The following LRRC37A variants were observed in gnomAD, a reference collection of about 807,000 sequenced individuals.
LRRC37A encodes the protein leucine-rich repeat-containing protein 37A.
Under a neutral mutation model 35.4 loss-of-function variants are expected in LRRC37A, and 3 were observed. The ratio of observed to expected loss-of-function variants is 0.08; its 90% CI spans 0.04 to 0.22. The LOEUF (loss-of-function observed/expected upper bound fraction) is 0.22. Ranked by LOEUF, LRRC37A falls within the 10% of genes least tolerant of loss-of-function variation. The pLI, the probability that LRRC37A is intolerant of heterozygous loss-of-function variation, is 1.00. For missense variants in LRRC37A, 67 were observed against 565.3 expected, an observed-to-expected ratio of 0.12 and a Z score of 8.94; for synonymous variants, 23 against 215.0, an observed-to-expected ratio of 0.11 and a Z score of 7.81.
At chr17:46,266,919 C>A in the LRRC37A span, 1 of 234,122 alleles carries the variant, frequency 4.3e-6, no homozygotes, top group South Asian at 1.6e-4. Flanking sequence ...CTACGCTTCC[C>A]CGCCGCCCGG....
At chr17:46,290,390 T>C (rs1341301032), upstream of LRRC37A, among the ~76,000 whole-genome samples, 5 of 152,256 alleles carry the variant, frequency 3.3e-5, no homozygotes, top group Admixed American at 6.5e-5. Flanking sequence ...CCTTTTAGAA[T>C]GCTGGGATTA....
chr17:46,284,280 G>A, the LRRC37A span, among the ~76,000 whole-genome samples: 2 of 152,370 alleles, frequency 1.3e-5, no homozygotes, highest in African/African-American at 2.4e-5. Context: ...AGGTCCCTGC[G>A]GCCTTCCGCA....
chr17:46,266,738 G>A, the LRRC37A span, among the ~76,000 whole-genome samples: 1 of 152,106 alleles, frequency 6.6e-6, no homozygotes, highest in Admixed American at 6.5e-5. Context: ...AGCGGAGCGG[G>A]GATCTGGGGA....
chr17:46,268,743 C>T, the LRRC37A span: 2 of 1,296,182 alleles, frequency 1.5e-6, no homozygotes, highest in Non-Finnish European at 2.0e-6. Context: ...GGCAACAAGA[C>T]ATGAAAGGTC....
chr17:46,265,306 CTTCT>C, the LRRC37A span, among the ~76,000 whole-genome samples: 2 of 110,724 alleles, frequency 1.8e-5, no homozygotes, highest in African/African-American at 7.5e-5. Context: ...TCTTCTTCTT[CTTCT>C]TCTTCCTCTT....
the LRRC37A span, among the ~76,000 whole-genome samples, chr17:46,287,592 G>A: frequency 0.12 from 18,295 of 151,928 alleles, no homozygotes; most frequent in Non-Finnish European, 0.18. Flanking sequence ...GAATTTAATC[G>A]AATTAAAAAT....
chr17:46,272,279 G>A, the LRRC37A span, among the ~76,000 whole-genome samples: 1 of 152,202 alleles, frequency 6.6e-6, no homozygotes, highest in Non-Finnish European at 1.5e-5. Context: ...TATCACAAAT[G>A]TACAGTTTAC....
chr17:46,275,327 T>C, the LRRC37A span: 123 of 841,376 alleles, frequency 1.5e-4, 3 homozygotes, highest in African/African-American at 1.1e-3. Context: ...TAATTTAAAA[T>C]AGTTCAGGCA....
the LRRC37A span, among the ~76,000 whole-genome samples, chr17:46,269,791 A>T: frequency 6.6e-6 from 1 of 152,234 alleles, no homozygotes; most frequent in Non-Finnish European, 1.5e-5. Context: ...TAAAGCAATA[A>T]ATCTTGCTTT....
At chr17:46,287,940 T>C (rs2049962702), upstream of LRRC37A, among the ~76,000 whole-genome samples, 1 of 152,220 alleles carries the variant, frequency 6.6e-6, no homozygotes. Context: ...ATAGGCACAG[T>C]GTAGGAACAT....
At chr17:46,285,653 C>G in the LRRC37A span, among the ~76,000 whole-genome samples, 26 of 152,284 alleles carry the variant, frequency 1.7e-4, no homozygotes, top group Admixed American at 9.8e-4. Flanking sequence ...AGAAGTGAGT[C>G]ACGTTAGATT....
At chr17:46,290,478 AGATG>A (rs1242312560), upstream of LRRC37A, among the ~76,000 whole-genome samples, 1 of 152,180 alleles carries the variant, frequency 6.6e-6, no homozygotes, top group African/African-American at 2.4e-5. Context: ...TTTTGTTTCG[AGATG>A]GAGTCTCGCT....
the LRRC37A span, among the ~76,000 whole-genome samples, chr17:46,271,535 T>C: frequency 6.6e-6 from 1 of 151,992 alleles, no homozygotes; most frequent in South Asian, 2.1e-4. Flanking sequence ...CCATGTAACT[T>C]TGTCTAACTA....
chr17:46,278,401 G>GTT, the LRRC37A span, among the ~76,000 whole-genome samples: 3 of 129,688 alleles, frequency 2.3e-5, no homozygotes, highest in Non-Finnish European at 4.8e-5. Context: ...GTTTTATTTT[G>GTT]TTTTTTTTTT....
At chr17:46,283,980 C>T in the LRRC37A span, among the ~76,000 whole-genome samples, 1 of 152,370 alleles carries the variant, frequency 6.6e-6, no homozygotes, top group African/African-American at 2.4e-5. Flanking sequence ...TGGCTGCCCG[C>T]GTGTCCCACC....
chr17:46,258,251 G>A, the LRRC37A span, among the ~76,000 whole-genome samples: 13 of 148,448 alleles, frequency 8.8e-5, no homozygotes, highest in African/African-American at 2.9e-4. Context: ...TCGCTCTGTC[G>A]CCAGGCTGGA....
chr17:46,254,110 C>T, the LRRC37A span, among the ~76,000 whole-genome samples: 238 of 152,002 alleles, frequency 1.6e-3, 1 homozygote, highest in African/African-American at 5.2e-3. Context: ...ACGACAGACC[C>T]GTGTTCTGGG....
At chr17:46,276,855 G>A in the LRRC37A span, among the ~76,000 whole-genome samples, 3 of 149,166 alleles carry the variant, frequency 2.0e-5, no homozygotes, top group Non-Finnish European at 3.0e-5. Context: ...CCAGTCTGGA[G>A]TGCAGTGGCA....
the LRRC37A span, among the ~76,000 whole-genome samples, chr17:46,262,483 G>A: frequency 1.3e-5 from 2 of 151,472 alleles, no homozygotes; most frequent in African/African-American, 2.4e-5. Flanking sequence ...AAAGTCCTGG[G>A]ATTAAGGGCG....
Sources: allele counts gnomAD v4.1 joint callset (sites outside exome capture counted in the v4.1 genomes callset), GRCh38; gene constraint gnomAD v4.1.1; transcripts MANE v1.5; gene names NCBI Gene and HGNC (gene_info 2026-07-23, HGNC 2026-07-21).